DNM3: variants seen among roughly 807,000 people sequenced by gnomAD.
The protein encoded by DNM3 is dynamin-3.
In DNM3, 47 loss-of-function variants were observed where a neutral mutation model predicts 101.6. The ratio of observed to expected loss-of-function variants is 0.46; its 90% CI spans 0.37 to 0.59. The LOEUF is 0.59. Among genes scored for constraint, DNM3 ranks in the 20% least tolerant of loss-of-function variants. The probability of loss-of-function intolerance (pLI) is 0.00; values close to 1 mark genes in which losing one functional copy is unlikely to be tolerated. For synonymous variants in DNM3, 385 were observed against 387.9 expected (o/e 0.99, Z 0.09); for missense variants, 849 against 1,085.7 (o/e 0.78, Z 3.06).
chr1:172,010,613 ATTTTTTTTTT>A (rs749047166), intron 4 of DNM3, among the ~76,000 whole-genome samples: 4 of 47,198 alleles, frequency 8.5e-5, no homozygotes, highest in East Asian at 5.1e-4. Flanking sequence ...TATTATGGCT[ATTTTTTTTTT>A]TTTTTTTTTT....
At chr1:172,379,401 T>G (rs749591208) in intron 18 of DNM3, among the ~76,000 whole-genome samples, 1 of 151,992 alleles carries the variant, frequency 6.6e-6, no homozygotes, top group Admixed American at 6.6e-5. Flanking sequence ...TATTCCCCAT[T>G]GGCTGTCTTC....
intron 15 of DNM3, among the ~76,000 whole-genome samples, chr1:172,286,506 C>A (rs2063709116): frequency 1.3e-5 from 2 of 152,184 alleles, no homozygotes; most frequent in Admixed American, 6.5e-5. Context: ...TGACCTGTGG[C>A]TGTTTGGCTT....
chr1:172,137,782 A>AT, intron 14 of DNM3: 1 of 152,172 alleles, frequency 6.6e-6, no homozygotes, highest in Non-Finnish European at 1.5e-5. Flanking sequence ...CACATTTCTA[A>AT]TTTTATCCAT....
chr1:171,911,066 G>A (rs529340270), intron 1 of DNM3, among the ~76,000 whole-genome samples: 1 of 152,212 alleles, frequency 6.6e-6, no homozygotes, highest in East Asian at 1.9e-4. Flanking sequence ...AGTTTGCGTG[G>A]GGGAATCATG....
intron 4 of DNM3, among the ~76,000 whole-genome samples, chr1:171,999,738 A>C (rs1027488592): frequency 5.9e-5 from 9 of 152,142 alleles, no homozygotes; most frequent in Admixed American, 2.6e-4. Flanking sequence ...TAGACCCTAA[A>C]ATCCAATAAC....
chr1:171,895,489 AT>A (rs1280196080), intron 1 of DNM3, among the ~76,000 whole-genome samples: 1 of 151,378 alleles, frequency 6.6e-6, no homozygotes, highest in African/African-American at 2.4e-5. Flanking sequence ...GGATTTTTTG[AT>A]TTTTTTCTTG....
At position 172,147,291 on chromosome 1, in the gene DNM3, G is replaced by A. The variant is rs533879342; in HGVS notation, c.1659+16003G>A. Among the ~76,000 whole-genome samples, 81 of 152,180 alleles carry A rather than the reference G, an allele frequency of 5.3e-4. No homozygotes were observed. In the South Asian group the frequency reaches 0.017, roughly 32 times the overall value. ...GTCATTCTGCTCTGAAAAGTCCTTG[G>A]CATTGATTTGGAAATGCCTTAATAA... On this transcript the variant is annotated intron_variant, in intron 14 of 20. Coordinates refer to ENST00000627582, the MANE Select transcript of DNM3 (RefSeq NM_015569.5).
intron 15 of DNM3, among the ~76,000 whole-genome samples, chr1:172,259,762 G>A (rs2062564912): frequency 6.6e-6 from 1 of 151,916 alleles, no homozygotes; most frequent in Non-Finnish European, 1.5e-5. Flanking sequence ...TGACATGTGA[G>A]GGCTTCTTAT....
intron 20 of DNM3, among the ~76,000 whole-genome samples, chr1:172,404,510 C>T (rs1426197131): frequency 6.6e-6 from 1 of 152,044 alleles, no homozygotes; most frequent in Non-Finnish European, 1.5e-5. Flanking sequence ...GTGCTCTTGT[C>T]CCAGCCACAT....
chr1:171,894,822 G>A (rs1024098896), intron 1 of DNM3, among the ~76,000 whole-genome samples: 1 of 152,068 alleles, frequency 6.6e-6, no homozygotes, highest in South Asian at 2.1e-4. Flanking sequence ...CCACCTATGA[G>A]TGAGAACATG....
intron 15 of DNM3, 133 bp downstream of exon 15, chr1:172,253,815 A>T: frequency 2.0e-6 from 1 of 489,142 alleles, no homozygotes. Context: ...CCTTTCATTT[A>T]TTTTGTATTT....
chr1:172,262,396 G>A (rs1308925577), intron 15 of DNM3, among the ~76,000 whole-genome samples: 1 of 152,180 alleles, frequency 6.6e-6, no homozygotes, highest in Non-Finnish European at 1.5e-5. Flanking sequence ...GGCGTATGCA[G>A]CAGTGCCTTC....
chr1:172,382,857 C>T (rs1249734644), intron 18 of DNM3, among the ~76,000 whole-genome samples: 1 of 152,170 alleles, frequency 6.6e-6, no homozygotes, highest in South Asian at 2.1e-4. Flanking sequence ...AGAGCCATTT[C>T]ACACTGGAGT....
At chr1:171,884,992 A>C (rs938010432) in intron 1 of DNM3, among the ~76,000 whole-genome samples, 1 of 152,066 alleles carries the variant, frequency 6.6e-6, no homozygotes, top group Non-Finnish European at 1.5e-5. Flanking sequence ...CCATCTTTTC[A>C]TCTCTAGATC....
intron 1 of DNM3, among the ~76,000 whole-genome samples, chr1:171,853,219 A>C (rs2033182132): frequency 6.6e-6 from 1 of 151,958 alleles, no homozygotes; most frequent in Non-Finnish European, 1.5e-5. Context: ...GCTGGAGGGC[A>C]ATGGCATGAA....
At chr1:171,886,129 C>T (rs2036745407) in intron 1 of DNM3, among the ~76,000 whole-genome samples, 1 of 152,138 alleles carries the variant, frequency 6.6e-6, no homozygotes, top group Non-Finnish European at 1.5e-5. Flanking sequence ...AGAATGGCTT[C>T]TGAGATATAA....
intron 11 of DNM3, among the ~76,000 whole-genome samples, chr1:172,071,750 A>T (rs1186402283): frequency 6.6e-6 from 1 of 151,926 alleles, no homozygotes; most frequent in African/African-American, 2.4e-5. Flanking sequence ...GCTTCCATAC[A>T]TGTCACTGCA....
At chr1:171,858,752 A>G (rs1420972585) in intron 1 of DNM3, among the ~76,000 whole-genome samples, 1 of 152,156 alleles carries the variant, frequency 6.6e-6, no homozygotes, top group Non-Finnish European at 1.5e-5. Flanking sequence ...GCAGCTGAGG[A>G]TAACGAATGC....
chr1:172,268,353 C>A (rs538499306), intron 15 of DNM3, among the ~76,000 whole-genome samples: 1 of 150,690 alleles, frequency 6.6e-6, no homozygotes, highest in African/African-American at 2.4e-5. Context: ...TCTGTTTTTG[C>A]GTTTGTTCTT....
Sources: gnomAD v4.1 joint callset for allele counts (sites outside exome capture counted in the v4.1 genomes callset) on GRCh38, gnomAD v4.1.1 for gene constraint, MANE v1.5 for transcripts, NCBI Gene and HGNC (gene_info 2026-07-23, HGNC 2026-07-21) for gene names.